ANAPC10: variants seen among roughly 807,000 people sequenced by gnomAD.
ANAPC10 encodes anaphase promoting complex subunit 10, also known as anaphase-promoting complex subunit 10.
In ANAPC10, 12 loss-of-function variants were observed where a neutral mutation model predicts 22.0. That is an observed-to-expected ratio of 0.55 (90% CI 0.35 to 0.88). ANAPC10 has a LOEUF of 0.88. Among genes scored for constraint, ANAPC10 ranks in the 40% least tolerant of loss-of-function variants. The pLI is 0.01. For synonymous variants in ANAPC10, 65 were observed against 69.5 expected (o/e 0.94, Z 0.32); for missense variants, 188 against 220.9 (o/e 0.85, Z 0.94).
intron 4 of ANAPC10, among the ~76,000 whole-genome samples, chr4:145,001,457 G>T (rs1248302035): frequency 6.6e-6 from 1 of 152,052 alleles, no homozygotes; most frequent in African/African-American, 2.4e-5. Context: ...GTTGCCAAGG[G>T]GAAAGAGAAA....
At chr4:145,046,831 T>C (rs578175174) in intron 4 of ANAPC10, among the ~76,000 whole-genome samples, 12 of 152,190 alleles carry the variant, frequency 7.9e-5, no homozygotes, top group African/African-American at 2.6e-4. Flanking sequence ...TAGTAAGGAA[T>C]TGAATCCAAG....
intron 3 of ANAPC10, among the ~76,000 whole-genome samples, chr4:145,067,606 A>T (rs976525361): frequency 1.3e-5 from 2 of 152,186 alleles, no homozygotes; most frequent in African/African-American, 4.8e-5. Flanking sequence ...AACACACTTG[A>T]CTAAGATATA....
chr4:145,056,741 C>A (rs1579060508), intron 4 of ANAPC10, among the ~76,000 whole-genome samples: 1 of 152,172 alleles, frequency 6.6e-6, no homozygotes, highest in African/African-American at 2.4e-5. Flanking sequence ...AGGCTCTCAG[C>A]CAAATGCTCA....
intron 2 of ANAPC10, among the ~76,000 whole-genome samples, chr4:145,089,642 T>G (rs1387468382): frequency 6.6e-6 from 1 of 152,184 alleles, no homozygotes; most frequent in African/African-American, 2.4e-5. Context: ...ATTCCAACTT[T>G]AATCTGAATG....
At chr4:145,066,250 C>T (rs1041494868) in intron 3 of ANAPC10, among the ~76,000 whole-genome samples, 9 of 152,042 alleles carry the variant, frequency 5.9e-5, no homozygotes, top group African/African-American at 2.2e-4. Flanking sequence ...AGGTAAAACA[C>T]TAAATACCCA....
intron 4 of ANAPC10, among the ~76,000 whole-genome samples, chr4:144,999,688 A>G (rs923133850): frequency 6.6e-6 from 1 of 152,206 alleles, no homozygotes; most frequent in African/African-American, 2.4e-5. Flanking sequence ...TCTTCATAGA[A>G]CTGGAAAAAA....
chr4:145,095,507 G>C (rs765810403), intron 2 of ANAPC10, among the ~76,000 whole-genome samples: 6 of 152,178 alleles, frequency 3.9e-5, no homozygotes, highest in Non-Finnish European at 8.8e-5. Flanking sequence ...ATCGTGGCTT[G>C]ATGATCCAGA....
intron 2 of ANAPC10, among the ~76,000 whole-genome samples, chr4:145,094,840 C>T (rs951533387): frequency 2.0e-5 from 3 of 150,604 alleles, no homozygotes; most frequent in African/African-American, 7.3e-5. Context: ...TTTATATCCA[C>T]AACATGGCAA....
intron 4 of ANAPC10, among the ~76,000 whole-genome samples, chr4:145,044,208 A>C (rs948160107): frequency 1.1e-4 from 17 of 152,248 alleles, no homozygotes; most frequent in African/African-American, 4.1e-4. Flanking sequence ...AATGGCAGCC[A>C]CACATCATAC....
rs998279389 is a variant in ANAPC10 at position 145,073,386 on chromosome 4, C to T, written c.206+8274G>A. On this transcript the variant is annotated intron_variant, in intron 3 of 4. Transcript: ENST00000507656. ...CTGTTACCTGATATTTTTTAAAAAC[C>T]TAAAATTAATCCAAAGAGATGATTA... 9.2e-5 allele frequency among the ~76,000 whole-genome samples: 14 copies of T among 152,108 alleles called. No individual in the cohort carries two copies. In the South Asian group the frequency reaches 1.5e-3, roughly 16 times the overall value.
chr4:145,064,564 A>G lies in ANAPC10; in HGVS notation c.327+8T>C. On this transcript the variant is annotated splice_region_variant and intron_variant, in intron 4 of 4. Coordinates refer to ENST00000507656, the MANE Select transcript of ANAPC10 (RefSeq NM_001256706.2). ...GATGACATATTTTTAAAAATTTGAAAGACATACCCGAATTTCTTGAAGGTT... is the reference window on the plus strand; with the variant it reads ...GATGACATATTTTTAAAAATTTGAAGGACATACCCGAATTTCTTGAAGGTT... 6.3e-7 allele frequency: 1 copy of G among 1,598,586 alleles called. No individual in the cohort carries two copies. The highest frequency in any genetic ancestry group is 8.5e-7 in the Non-Finnish European group (1 of 1,173,406).
At chr4:145,015,039 C>A (rs1341057032) in intron 4 of ANAPC10, among the ~76,000 whole-genome samples, 1 of 151,976 alleles carries the variant, frequency 6.6e-6, no homozygotes, top group Non-Finnish European at 1.5e-5. Flanking sequence ...CCTTAACACC[C>A]CCCAAAAAAT....
chr4:145,048,261 A>C (rs1429405755), intron 4 of ANAPC10, among the ~76,000 whole-genome samples: 1 of 152,196 alleles, frequency 6.6e-6, no homozygotes, highest in Non-Finnish European at 1.5e-5. Flanking sequence ...CAAGATGATC[A>C]AGACAGGTAA....
At chr4:145,037,436 T>C (rs1159064132) in intron 4 of ANAPC10, among the ~76,000 whole-genome samples, 1 of 152,102 alleles carries the variant, frequency 6.6e-6, no homozygotes, top group African/African-American at 2.4e-5. Flanking sequence ...ATTTTAACAG[T>C]AAATAAATAT....
At chr4:145,094,822 C>T (rs1052787450) in intron 2 of ANAPC10, among the ~76,000 whole-genome samples, 1 of 151,188 alleles carries the variant, frequency 6.6e-6, no homozygotes, top group East Asian at 1.9e-4. Flanking sequence ...GAGAGGTAGG[C>T]ATAGGCCTTT....
chr4:145,017,170 C>A (rs1018946376), intron 4 of ANAPC10, among the ~76,000 whole-genome samples: 3 of 152,100 alleles, frequency 2.0e-5, no homozygotes, highest in African/African-American at 4.8e-5. Context: ...AAACTACCAT[C>A]GGAGTAAACA....
At position 145,081,958 on chromosome 4, in the gene ANAPC10, C is replaced by T. The variant is rs145679062; in HGVS notation, c.116-208G>A. Among the ~76,000 whole-genome samples the T allele has an allele frequency of 7.9e-4, 120 of 152,270 alleles. 1 individual carries two copies. Among genetic ancestry groups the T allele is most frequent in the African/African-American group, 2.7e-3 (111 of 41,528 alleles). Reference sequence around the variant, plus strand: ...CTCCCAGCCTCAAGTGATCCTCCTGCCTTGGCCTCCCAAAGTGCAGTGATT... The same window carrying T: ...CTCCCAGCCTCAAGTGATCCTCCTGTCTTGGCCTCCCAAAGTGCAGTGATT... On this transcript the variant is annotated intron_variant, in intron 2 of 4. Coordinates refer to ENST00000507656, the MANE Select transcript of ANAPC10 (RefSeq NM_001256706.2).
At chr4:145,021,586 T>A (rs1047330977) in intron 4 of ANAPC10, among the ~76,000 whole-genome samples, 3 of 152,098 alleles carry the variant, frequency 2.0e-5, no homozygotes, top group Admixed American at 2.0e-4. Context: ...AAGATTAACG[T>A]TGGAAAAACC....
At chr4:145,038,813 C>T (rs1197794837) in intron 4 of ANAPC10, among the ~76,000 whole-genome samples, 66 of 113,096 alleles carry the variant, frequency 5.8e-4, no homozygotes, top group African/African-American at 2.4e-3. Context: ...CAGAGTGAGA[C>T]TCTGTCTCAA....
Sources: gnomAD v4.1 joint callset for allele counts (sites outside exome capture counted in the v4.1 genomes callset) on GRCh38, gnomAD v4.1.1 for gene constraint, MANE v1.5 for transcripts, NCBI Gene and HGNC (gene_info 2026-07-23, HGNC 2026-07-21) for gene names.